MARCHF1: variants seen among roughly 807,000 people sequenced by gnomAD.
The protein encoded by MARCHF1 is E3 ubiquitin-protein ligase MARCHF1.
MARCHF1 carries 40 observed loss-of-function variants against 54.2 expected under a neutral mutation model. That is an observed-to-expected ratio of 0.74 (90% CI 0.57 to 0.96). The LOEUF (loss-of-function observed/expected upper bound fraction) is 0.96, where lower values mean the gene tolerates loss of function less well. MARCHF1 is among the 40% of genes least tolerant of loss of function. MARCHF1 has a pLI of 0.00. For missense variants in MARCHF1, 586 were observed against 656.5 expected (o/e 0.89, Z 1.17); for synonymous variants, 236 against 236.3 (o/e 1.00, Z 0.01).
chr4:164,275,542 T>C (rs1579681864), intron 1 of MARCHF1, among the ~76,000 whole-genome samples: 1 of 152,244 alleles, frequency 6.6e-6, no homozygotes, highest in Non-Finnish European at 1.5e-5. Flanking sequence ...TTTTTCCTTG[T>C]CCCTTGACAT....
intron 1 of MARCHF1, among the ~76,000 whole-genome samples, chr4:164,345,028 A>T (rs992252385): frequency 6.6e-6 from 1 of 152,210 alleles, no homozygotes; most frequent in East Asian, 1.9e-4. Context: ...TTAGTAGGCC[A>T]AAACGTTACA....
intron 9 of MARCHF1, among the ~76,000 whole-genome samples, chr4:163,538,282 A>T (rs1349439982): frequency 2.6e-5 from 4 of 151,906 alleles, no homozygotes; most frequent in South Asian, 2.1e-4. Context: ...AACAGTATTT[A>T]AAAAACTTGA....
chr4:164,207,513 A>G (rs1731641236), intron 1 of MARCHF1, among the ~76,000 whole-genome samples: 1 of 152,350 alleles, frequency 6.6e-6, no homozygotes, highest in Admixed American at 6.5e-5. Context: ...GGAAAACATT[A>G]AAGAGAAACC....
rs1043358687 is a variant in MARCHF1 at position 164,327,953 on chromosome 4, G to A, written c.-323+55917C>T. Among the ~76,000 whole-genome samples the A allele has an allele frequency of 4.6e-5, 7 of 152,274 alleles. No individual in the cohort carries two copies. The South Asian group carries it at 1.5e-3, about 32-fold the overall frequency. ...TGGGACATCCAAGAAACCATTTTTA[G>A]TATGCAGCTAGGCTTCGCACCTGAG... On this transcript the variant is annotated intron_variant, in intron 1 of 9. Coordinates refer to ENST00000514618, the MANE Select transcript of MARCHF1 (RefSeq NM_001394959.1).
intron 4 of MARCHF1, among the ~76,000 whole-genome samples, chr4:163,762,376 C>A (rs576883674): frequency 6.6e-5 from 10 of 151,998 alleles, no homozygotes; most frequent in Non-Finnish European, 1.3e-4. Context: ...TATGTCTATA[C>A]AGAAACAAGA....
At chr4:163,847,340 G>T (rs1379999949) in intron 4 of MARCHF1, among the ~76,000 whole-genome samples, 2 of 151,934 alleles carry the variant, frequency 1.3e-5, no homozygotes, top group Non-Finnish European at 2.9e-5. Context: ...TAATACTTAG[G>T]CTGTGTAAGA....
At chr4:163,538,693 C>T (rs2110892198) in intron 9 of MARCHF1, among the ~76,000 whole-genome samples, 1 of 152,296 alleles carries the variant, frequency 6.6e-6, no homozygotes, top group East Asian at 1.9e-4. Flanking sequence ...GAACCCTATT[C>T]CTAAGAGTCT....
chr4:163,829,742 T>G (rs943259519), intron 4 of MARCHF1, among the ~76,000 whole-genome samples: 2 of 152,164 alleles, frequency 1.3e-5, no homozygotes, highest in African/African-American at 4.8e-5. Context: ...GCAATGCAAA[T>G]GTATATTATG....
intron 9 of MARCHF1, among the ~76,000 whole-genome samples, chr4:163,540,347 A>G (rs1560930214): frequency 1.3e-5 from 2 of 152,168 alleles, no homozygotes; most frequent in Non-Finnish European, 2.9e-5. Flanking sequence ...TAGGGTATGC[A>G]GAACTACGAA....
intron 4 of MARCHF1, among the ~76,000 whole-genome samples, chr4:163,778,651 A>G (rs1308563655): frequency 2.6e-5 from 4 of 152,180 alleles, no homozygotes; most frequent in Non-Finnish European, 5.9e-5. Context: ...TATATAGACA[A>G]TGGAATACTA....
chr4:164,190,228 A>C (rs1731089173), intron 1 of MARCHF1: 3 of 1,355,792 alleles, frequency 2.2e-6, no homozygotes, highest in Non-Finnish European at 3.1e-6. Context: ...TTCGAAGCTA[A>C]CAAGAAGGAA....
At chr4:163,628,864 A>G (rs183306454) in intron 5 of MARCHF1, among the ~76,000 whole-genome samples, 30 of 152,348 alleles carry the variant, frequency 2.0e-4, no homozygotes, top group African/African-American at 7.2e-4. Flanking sequence ...GACCTCTTCA[A>G]GGATAACTAC....
intron 5 of MARCHF1, among the ~76,000 whole-genome samples, chr4:163,629,902 C>A (rs1324614308): frequency 6.6e-6 from 1 of 152,164 alleles, no homozygotes; most frequent in Non-Finnish European, 1.5e-5. Flanking sequence ...ATGCAAATTA[C>A]AGCCACAATG....
intron 2 of MARCHF1, among the ~76,000 whole-genome samples, chr4:164,095,636 T>A (rs531302030): frequency 6.6e-6 from 1 of 152,152 alleles, no homozygotes; most frequent in African/African-American, 2.4e-5. Context: ...ATGAACTGTA[T>A]CTGTTACTGT....
chr4:163,840,492 G>A (rs1396410355), intron 4 of MARCHF1, among the ~76,000 whole-genome samples: 1 of 152,088 alleles, frequency 6.6e-6, no homozygotes, highest in African/African-American at 2.4e-5. Context: ...CCAGCACTCA[G>A]GTAGTGAGCA....
chr4:163,836,108 C>G (rs1469636382), intron 4 of MARCHF1, among the ~76,000 whole-genome samples: 1 of 152,036 alleles, frequency 6.6e-6, no homozygotes, highest in East Asian at 1.9e-4. Context: ...TTTTATAATG[C>G]CAAAAATTGT....
At chr4:164,340,405 T>TTATATACATACATATATGTATATA (rs58808830) in intron 1 of MARCHF1, among the ~76,000 whole-genome samples, 1 of 95,650 alleles carries the variant, frequency 1.0e-5, no homozygotes, top group African/African-American at 3.6e-5. Flanking sequence ...AGGCCTTGAT[T>TTATATACATACATATATGTATATA]TATATATAGA....
At chr4:163,649,757 G>C (rs1305801083) in intron 5 of MARCHF1, among the ~76,000 whole-genome samples, 2 of 148,694 alleles carry the variant, frequency 1.3e-5, no homozygotes, top group Non-Finnish European at 3.0e-5. Context: ...CCTTGTTCAT[G>C]CCTGGTTCTG....
intron 8 of MARCHF1, among the ~76,000 whole-genome samples, chr4:163,565,570 T>C (rs946292641): frequency 6.6e-6 from 1 of 152,160 alleles, no homozygotes; most frequent in Non-Finnish European, 1.5e-5. Context: ...CTATGAAATA[T>C]TAGTTCTCAC....
Sources: gnomAD v4.1 joint callset for allele counts (sites outside exome capture counted in the v4.1 genomes callset) on GRCh38, gnomAD v4.1.1 for gene constraint, MANE v1.5 for transcripts, NCBI Gene and HGNC (gene_info 2026-07-23, HGNC 2026-07-21) for gene names.